HSDL2: variants seen among roughly 807,000 people sequenced by gnomAD.
HSDL2 encodes hydroxysteroid dehydrogenase-like protein 2.
HSDL2 carries 27 observed loss-of-function variants against 46.3 expected under a neutral mutation model. The observed-to-expected ratio is 0.58, with a 90% CI of 0.43 to 0.80. The LOEUF (loss-of-function observed/expected upper bound fraction) is 0.80, where lower values mean the gene tolerates loss of function less well. HSDL2 is among the 30% of genes least tolerant of loss of function. HSDL2 has a pLI of 0.00. For missense variants in HSDL2, 451 were observed against 502.7 expected, an observed-to-expected ratio of 0.90 and a Z score of 0.98; for synonymous variants, 153 against 163.6, an observed-to-expected ratio of 0.94 and a Z score of 0.50.
intron 1 of HSDL2, among the ~76,000 whole-genome samples, chr9:112,383,234 G>A (rs955880059): frequency 1.3e-5 from 2 of 151,700 alleles, no homozygotes; most frequent in Admixed American, 6.6e-5. Flanking sequence ...CCACCATGCC[G>A]GCTAATTTTT....
chr9:112,405,113 A>G (rs1831694745), intron 2 of HSDL2, among the ~76,000 whole-genome samples: 1 of 152,220 alleles, frequency 6.6e-6, no homozygotes, highest in Admixed American at 6.5e-5. Context: ...GCACTTTGGG[A>G]GGCCAAGGCG....
chr9:112,403,899 G>A, intron 1 of HSDL2, 96 bp from the exon 2 acceptor site: 1 of 1,319,440 alleles, frequency 7.6e-7, no homozygotes, highest in South Asian at 1.4e-5. Flanking sequence ...TCACAGAGGA[G>A]GAAACATATA....
chr9:112,405,427 C>T (rs915477169), intron 2 of HSDL2, among the ~76,000 whole-genome samples, 197 bp from the exon 3 acceptor site: 1 of 152,126 alleles, frequency 6.6e-6, no homozygotes, highest in African/African-American at 2.4e-5. Flanking sequence ...CCCCACCAAA[C>T]CTTCGTTTTT....
chr9:112,426,758 T>A (rs933247596), intron 6 of HSDL2, among the ~76,000 whole-genome samples: 1 of 152,236 alleles, frequency 6.6e-6, no homozygotes, highest in African/African-American at 2.4e-5. Flanking sequence ...ATATTCTTCT[T>A]AGCTGTGTGA....
intron 6 of HSDL2, among the ~76,000 whole-genome samples, chr9:112,426,309 C>T (rs1196757186): frequency 6.7e-6 from 1 of 149,142 alleles, no homozygotes; most frequent in East Asian, 2.0e-4. Flanking sequence ...GATCTCAGCT[C>T]ACTGTAACCT....
intron 10 of HSDL2, among the ~76,000 whole-genome samples, chr9:112,460,874 A>G (rs1057437625): frequency 5.9e-5 from 9 of 152,176 alleles, no homozygotes; most frequent in Non-Finnish European, 1.0e-4. Flanking sequence ...TAGCATCTAT[A>G]TATGTATATT....
intron 4 of HSDL2, among the ~76,000 whole-genome samples, chr9:112,415,690 A>G (rs551846969): frequency 1.3e-5 from 2 of 152,272 alleles, no homozygotes; most frequent in East Asian, 1.9e-4. Flanking sequence ...GTTTTTTTCC[A>G]TCAAGCAGAT....
intron 10 of HSDL2, chr9:112,469,628 A>G (rs921181820): frequency 7.0e-6 from 1 of 143,308 alleles, no homozygotes; most frequent in African/African-American, 2.6e-5. Flanking sequence ...TCCACTGTAC[A>G]TGTACTCCAG....
At chr9:112,438,915 A>G (rs540558239) in intron 7 of HSDL2, 1 of 187,912 alleles carries the variant, frequency 5.3e-6, no homozygotes, top group South Asian at 1.7e-4. Context: ...AGAAATGAAA[A>G]TTATTTTTTA....
intron 8 of HSDL2, among the ~76,000 whole-genome samples, chr9:112,445,477 G>A (rs4979115): frequency 0.27 from 41,296 of 150,788 alleles, 5,799 homozygotes; most frequent in Middle Eastern, 0.38. Flanking sequence ...CATCACAGCC[G>A]GTTATATATA....
intron 8 of HSDL2, among the ~76,000 whole-genome samples, 165 bp from the exon 9 acceptor site, chr9:112,453,848 T>C (rs529820277): frequency 3.3e-5 from 5 of 152,382 alleles, no homozygotes; most frequent in African/African-American, 1.2e-4. Context: ...TTGACTGTTA[T>C]TCTGTCAATT....
chr9:112,446,773 A>G (rs1309146062), intron 8 of HSDL2, among the ~76,000 whole-genome samples: 1 of 152,158 alleles, frequency 6.6e-6, no homozygotes, highest in Admixed American at 6.6e-5. Context: ...GGACTCCCCT[A>G]CTGTCTGCTT....
At chr9:112,432,025 G>A (rs979810992) in intron 6 of HSDL2, among the ~76,000 whole-genome samples, 5 of 151,936 alleles carry the variant, frequency 3.3e-5, no homozygotes, top group African/African-American at 7.3e-5. Flanking sequence ...GATTACAGGC[G>A]TGCGCCACCA....
At chr9:112,455,318 AC>A (rs11313853) in intron 9 of HSDL2, among the ~76,000 whole-genome samples, 145,310 of 152,052 alleles carry the variant, frequency 0.96, 69,497 homozygotes, top group African/African-American at 0.98. Context: ...TTATACACAA[AC>A]CTTTTTTATT....
chr9:112,380,228 C>T (rs755899275), intron 1 of HSDL2, 48 bp downstream of exon 1: 4 of 1,514,412 alleles, frequency 2.6e-6, no homozygotes, highest in Non-Finnish European at 3.5e-6. Flanking sequence ...GGGCGAAGGG[C>T]GCGTCTCGGT....
At chr9:112,416,403 T>TTAAACTCCAGTTTAA (rs1483552795) in intron 4 of HSDL2, among the ~76,000 whole-genome samples, 1 of 150,036 alleles carries the variant, frequency 6.7e-6, no homozygotes, top group African/African-American at 2.5e-5. Flanking sequence ...CACTCCAGCC[T>TTAAACTCCAGTTTAA]GGCAACAGAG....
intron 6 of HSDL2, among the ~76,000 whole-genome samples, chr9:112,422,046 T>TAAG (rs1832135693): frequency 6.6e-6 from 1 of 152,124 alleles, no homozygotes; most frequent in Non-Finnish European, 1.5e-5. Flanking sequence ...ACAGGCAAGA[T>TAAG]AAGTATTTCC....
chr9:112,444,899 A>G (rs1832723362), intron 8 of HSDL2, among the ~76,000 whole-genome samples: 1 of 129,252 alleles, frequency 7.7e-6, no homozygotes, highest in East Asian at 2.3e-4. Flanking sequence ...TGGTTTAGAG[A>G]CTGGGTCTCA....
chr9:112,392,486 C>T (rs1831367535), intron 1 of HSDL2, among the ~76,000 whole-genome samples: 1 of 152,186 alleles, frequency 6.6e-6, no homozygotes, highest in African/African-American at 2.4e-5. Flanking sequence ...ATAAGACAGA[C>T]ATTCCCAGAG....
Sources: gnomAD v4.1 joint callset for allele counts (sites outside exome capture counted in the v4.1 genomes callset) on GRCh38, gnomAD v4.1.1 for gene constraint, MANE v1.5 for transcripts, NCBI Gene and HGNC (gene_info 2026-07-23, HGNC 2026-07-21) for gene names.